Variants in NADK observed in about 807,000 individuals in gnomAD.
NADK encodes poly(P)/ATP NAD kinase.
Under a neutral mutation model 49.8 loss-of-function variants are expected in NADK, and 22 were observed. The observed-to-expected ratio is 0.44, with a 90% confidence interval of 0.32 to 0.63. NADK has a LOEUF of 0.63. Ranked by LOEUF, NADK falls within the 30% of genes least tolerant of loss-of-function variation. The pLI, the probability that NADK is intolerant of heterozygous loss-of-function variation, is 0.06. For synonymous variants in NADK, 268 were observed against 253.7 expected (o/e 1.06, Z -0.54); for missense variants, 438 against 609.4 (o/e 0.72, Z 2.96).
intron 4 of NADK, 35 bp downstream of exon 4, chr1:1,757,146 G>GGCCCC: frequency 6.6e-7 from 1 of 1,524,054 alleles, no homozygotes; most frequent in Non-Finnish European, 8.9e-7. Context: ...AACTCCATGT[G>GGCCCC]CACCCCAGGC....
At chr1:1,778,499 C>A (rs778910572), upstream of NADK, 10 of 149,390 alleles carry the variant, frequency 6.7e-5, no homozygotes, top group Admixed American at 1.3e-4. This position sits in a 1 kb window ranked among gnomAD's most constrained non-coding sequence, Gnocchi z 4.9. Flanking sequence ...CGCATGCGCG[C>A]TGCCGCGCAC....
chr1:1,762,082 C>T (rs1645741982), intron 2 of NADK, 47 bp from the exon 3 acceptor site: 2 of 1,502,518 alleles, frequency 1.3e-6, no homozygotes, highest in East Asian at 2.3e-5. Context: ...TGAAACCAGA[C>T]ATGCAGTGAC....
In NADK at chr1:1,754,409, T is replaced by G; in HGVS notation, c.844-26A>C. 6.2e-7 allele frequency: 1 copy of G among 1,611,626 alleles called. No individual in the cohort carries two copies. The highest frequency in any genetic ancestry group is 8.5e-7 in the Non-Finnish European group (1 of 1,178,162). On this transcript the variant is annotated intron_variant, in intron 8 of 11. Coordinates refer to ENST00000341426, the MANE Select transcript of NADK (RefSeq NM_023018.5). This position sits in a 1 kb window ranked among gnomAD's most constrained non-coding sequence, Gnocchi z 4.3. ...CTGGAGGGGCGACAGCATTGCACAC[T>G]CAGGGCGGGGGATGCCGCACGGCTC...
chr1:1,758,270 C>T (rs1297306130), intron 3 of NADK: 2 of 1,418,470 alleles, frequency 1.4e-6, no homozygotes, highest in Non-Finnish European at 1.9e-6. Flanking sequence ...GTCCCACTAA[C>T]ACCCCCAGAA....
At chr1:1,757,394 A>T in intron 3 of NADK, 84 bp from the exon 4 acceptor site, 1 of 1,302,472 alleles carries the variant, frequency 7.7e-7, no homozygotes, top group Non-Finnish European at 1.1e-6. Flanking sequence ...TAAAAAAAAA[A>T]ATCTTTAAAA....
chr1:1,758,571 G>A (rs1645609845), intron 3 of NADK: 1 of 1,537,018 alleles, frequency 6.5e-7, no homozygotes, highest in Non-Finnish European at 8.8e-7. Flanking sequence ...AGAAGCCTAA[G>A]CTCTTCATAC....
chr1:1,769,027 A>T (rs1645967434), intron 1 of NADK, among the ~76,000 whole-genome samples: 1 of 152,258 alleles, frequency 6.6e-6, no homozygotes, highest in South Asian at 2.1e-4. Flanking sequence ...CTGAAGGTAC[A>T]GCCCAGGCAC....
intron 6 of NADK, among the ~76,000 whole-genome samples, chr1:1,755,713 G>A (rs4648815): frequency 0.36 from 54,993 of 152,032 alleles, 11,999 homozygotes; most frequent in Admixed American, 0.51. Flanking sequence ...AGGGCTGAGC[G>A]GCCCCCTGGG....
chr1:1,754,579 C>T lies in NADK; in HGVS notation c.808G>A (p.Asp270Asn), dbSNP rs752246521. ...GENGSQAAGL[D>N]MDVGKQAMQY... ...ATGGCCTGCTTCCCGACATCCATGT[C>T]CAGGCCTGCAGCCTGCGAGCCGTTC... The change falls in exon 8 of 12, where the codon GAC becomes AAC. Residue 270 changes from aspartate to asparagine, a missense_variant. Physicochemically the swap from Asp to Asn is conservative, Grantham distance 23. Transcript: ENST00000341426. This position sits in a 1 kb window ranked among gnomAD's most constrained non-coding sequence, Gnocchi z 4.3. 191 of 1,613,264 alleles carry T rather than the reference C, an allele frequency of 1.2e-4. 3 individuals carry two copies. In the South Asian group the frequency reaches 2.0e-3, roughly 17 times the overall value.
chr1:1,753,593 C>G lies in NADK; in HGVS notation c.1158G>C (p.Lys386Asn), dbSNP rs762775237. 19 of 1,612,790 alleles carry G rather than the reference C, an allele frequency of 1.2e-5. No homozygotes were observed. Among genetic ancestry groups the G allele is most frequent in the Non-Finnish European group, 1.5e-5 (18 of 1,179,570 alleles). ...NTAWVSFDGRKRQEIRHGDSI... is the reference protein window; with the variant it reads ...NTAWVSFDGRNRQEIRHGDSI... ...TGTCTCCATGGCGGATCTCTTGTCT[C>G]TTCCGTCCATCAAAGGACACCCATG... is the stretch of plus-strand genomic sequence containing the variant. The change falls in exon 11 of 12, where the codon AAG (lysine) becomes AAC (asparagine). Residue 386 changes from lysine (K) to asparagine (N), a missense_variant. Lys to Asn is a moderately conservative substitution (Grantham distance 94). Transcript: ENST00000341426.
At chr1:1,761,397 A>C (rs916287828) in intron 3 of NADK, among the ~76,000 whole-genome samples, 3 of 152,036 alleles carry the variant, frequency 2.0e-5, no homozygotes, top group Non-Finnish European at 4.4e-5. Context: ...CAGTGCTGGG[A>C]CTGCAGGTGT....
intron 1 of NADK, among the ~76,000 whole-genome samples, chr1:1,775,283 T>C (rs1311145168): frequency 3.3e-4 from 50 of 152,040 alleles, no homozygotes; most frequent in Non-Finnish European, 1.5e-5. Flanking sequence ...AATACAAACA[T>C]AATACACGAG....
intron 1 of NADK, among the ~76,000 whole-genome samples, chr1:1,773,840 C>T (rs1646131413): frequency 6.6e-6 from 1 of 151,900 alleles, no homozygotes. Flanking sequence ...CTCAATCTCC[C>T]AGGCTTAAGG....
Position 1,762,000 on chromosome 1 carries a change from G to C in NADK, c.215C>G (p.Thr72Ser). ...CACACAGGCCTTTGGTCCAAAAGTG[G>C]TCACCGGGCATGGCCCATGAAGAGA... is the stretch of plus-strand genomic sequence containing the variant. Reference protein sequence around the residue: ...TRSLHGPCPVTTFGPKACVLQ... With the variant: ...TRSLHGPCPVSTFGPKACVLQ... Residue 72 changes from threonine to serine, a missense_variant, in exon 3 of 12, where the codon ACC becomes AGC. By Grantham distance (58) the Thr-to-Ser change is moderately conservative. Transcript: ENST00000341426. The C allele has an allele frequency of 6.2e-7, 1 of 1,614,116 alleles. No homozygotes were observed. Among genetic ancestry groups the C allele is most frequent in the Non-Finnish European group, 8.5e-7 (1 of 1,179,998 alleles).
At chr1:1,762,881 GGCA>G (rs1645770768) in intron 2 of NADK, among the ~76,000 whole-genome samples, 1 of 152,240 alleles carries the variant, frequency 6.6e-6, no homozygotes, top group African/African-American at 2.4e-5. Flanking sequence ...CAGGGGCTGT[GGCA>G]GCCGCACGCG....
chr1:1,756,772 G>T, intron 4 of NADK, 164 bp from the exon 5 acceptor site: 1 of 1,237,260 alleles, frequency 8.1e-7, no homozygotes. Flanking sequence ...CCAGGAGGAA[G>T]CAGGACCTTT....
chr1:1,765,542 A>C (rs1645860311), intron 1 of NADK, 96 bp from the exon 2 acceptor site: 1 of 599,630 alleles, frequency 1.7e-6, no homozygotes, highest in Non-Finnish European at 2.6e-6. Context: ...CATCAAGGGG[A>C]AAAAATGGCT....
chr1:1,763,449 T>C (rs1029665175), intron 2 of NADK, among the ~76,000 whole-genome samples: 1 of 151,846 alleles, frequency 6.6e-6, no homozygotes, highest in African/African-American at 2.4e-5. Flanking sequence ...TGAAATCCCA[T>C]CTCTACTAAA....
intron 3 of NADK, chr1:1,758,564 A>G (rs1645609639): frequency 1.3e-6 from 2 of 1,550,498 alleles, no homozygotes; most frequent in Non-Finnish European, 1.8e-6. Flanking sequence ...CCACACTAGA[A>G]GCCTAAGCTC....
Sources: allele counts gnomAD v4.1 joint callset (sites outside exome capture counted in the v4.1 genomes callset), GRCh38; gene constraint gnomAD v4.1.1; non-coding constraint Gnocchi (gnomAD v3.1); transcripts MANE v1.5; gene names NCBI Gene and HGNC (gene_info 2026-07-23, HGNC 2026-07-21).